The following EIF4G3 variants were observed in gnomAD, a reference collection of about 807,000 sequenced individuals.
EIF4G3 encodes the protein eIF-4-gamma 3.
In EIF4G3, 34 loss-of-function variants were observed where a neutral mutation model predicts 186.4. That is an observed-to-expected ratio of 0.18 (90% CI 0.14 to 0.24). The LOEUF is 0.24. EIF4G3 is among the 10% of genes least tolerant of loss of function. The pLI is 1.00. For missense variants in EIF4G3, 1,536 were observed against 1,948.5 expected, an observed-to-expected ratio of 0.79 and a Z score of 3.99; for synonymous variants, 673 against 679.5, an observed-to-expected ratio of 0.99 and a Z score of 0.15.
In EIF4G3 at chr1:20,838,023, T is replaced by C. The variant is rs1235832274; in HGVS notation, c.4061+2833A>G. Among the ~76,000 whole-genome samples the C allele has an allele frequency of 9.2e-5, 14 of 152,296 alleles. 1 individual carries two copies. The South Asian group carries it at 2.7e-3, about 29-fold the overall frequency. On this transcript the variant is annotated intron_variant, in intron 30 of 36. Coordinates refer to ENST00000602326, the MANE Select transcript of EIF4G3 (RefSeq NM_001391906.1). ...GCAGGTATGGTGAAACATGAAGTAATTGCTGAGACACAGAAGTGTTAACCT... is the reference window on the plus strand; with the variant it reads ...GCAGGTATGGTGAAACATGAAGTAACTGCTGAGACACAGAAGTGTTAACCT...
intron 2 of EIF4G3, among the ~76,000 whole-genome samples, chr1:21,158,985 G>A (rs2097711215): frequency 6.6e-6 from 1 of 150,792 alleles, no homozygotes; most frequent in Admixed American, 6.6e-5. Context: ...ACAAAAAAAA[G>A]GGCAAAAAAA....
chr1:21,052,842 C>T (rs1475917721), intron 3 of EIF4G3, among the ~76,000 whole-genome samples: 26 of 152,244 alleles, frequency 1.7e-4, no homozygotes, highest in Non-Finnish European at 2.2e-4. Context: ...CTCGGCCTCC[C>T]GAGGTGCCGG....
intron 23 of EIF4G3, among the ~76,000 whole-genome samples, chr1:20,861,539 A>G (rs1005024334): frequency 2.0e-5 from 3 of 152,230 alleles, no homozygotes; most frequent in East Asian, 3.8e-4. Context: ...CAACATCCTC[A>G]TTTTAGAGAT....
At chr1:20,853,031 C>T (rs2073841359) in intron 27 of EIF4G3, among the ~76,000 whole-genome samples, 1 of 151,816 alleles carries the variant, frequency 6.6e-6, no homozygotes, top group South Asian at 2.1e-4. Flanking sequence ...TCTGAAAGTG[C>T]TTATGTAAAA....
At chr1:20,876,254 A>G (rs1286057865) in intron 20 of EIF4G3, among the ~76,000 whole-genome samples, 1 of 148,666 alleles carries the variant, frequency 6.7e-6, no homozygotes, top group African/African-American at 2.5e-5. Context: ...AAAAAAGACA[A>G]GGAGGGAGGG....
Position 20,840,845 on chromosome 1 carries a change from AG to A in EIF4G3, c.4061+10del. The A allele has an allele frequency of 6.2e-7, 1 of 1,613,370 alleles. No individual in the cohort carries two copies. Among genetic ancestry groups the A allele is most frequent in the Non-Finnish European group, 8.5e-7 (1 of 1,179,512 alleles). On this transcript the variant is annotated intron_variant, in intron 30 of 36. Transcript: ENST00000602326. The stretch of plus-strand genomic sequence containing the variant: ...TAGTAACTGAATACCACTCTTGAAG[AG>A]GATACTGACCCTTTGAAAAAGTCCT...
rs1375130585 is a variant in EIF4G3 at position 21,037,689 on chromosome 1, C to G, written c.-67+13177G>C. ...AATGTCTTCTCAATCACCAGAGCTACTTTCCCTAAATTAAGACTAGCCCAA... is the reference window on the plus strand; with the variant it reads ...AATGTCTTCTCAATCACCAGAGCTAGTTTCCCTAAATTAAGACTAGCCCAA... On this transcript the variant is annotated intron_variant, in intron 4 of 36. Transcript: ENST00000602326. Among the ~76,000 whole-genome samples the G allele has an allele frequency of 2.0e-5, 3 of 152,212 alleles. No individual in the cohort carries two copies. In the South Asian group the frequency reaches 6.2e-4, roughly 31 times the overall value.
chr1:20,865,984 GAATAT>G (rs2077475094), intron 20 of EIF4G3, among the ~76,000 whole-genome samples: 1 of 152,130 alleles, frequency 6.6e-6, no homozygotes, highest in Admixed American at 6.5e-5. Context: ...AACATATTTA[GAATAT>G]AAAGACAGTA....
At chr1:21,125,360 T>C (rs375527587) in intron 2 of EIF4G3, among the ~76,000 whole-genome samples, 20 of 152,240 alleles carry the variant, frequency 1.3e-4, no homozygotes, top group East Asian at 9.6e-4. Context: ...ACTTTCTTAA[T>C]GACAACAGCC....
At chr1:20,912,664 G>A (rs994401408) in intron 14 of EIF4G3, among the ~76,000 whole-genome samples, 6 of 152,198 alleles carry the variant, frequency 3.9e-5, no homozygotes, top group African/African-American at 1.4e-4. Flanking sequence ...AACTTTCAGT[G>A]AGAGTTCCCA....
chr1:21,086,200 T>TA (rs2095972680), intron 3 of EIF4G3, among the ~76,000 whole-genome samples: 1 of 3,660 alleles, frequency 2.7e-4, no homozygotes, highest in Admixed American at 7.4e-3. Context: ...CATGATACTC[T>TA]TTTTTTTTTT....
intron 4 of EIF4G3, among the ~76,000 whole-genome samples, chr1:21,010,964 T>C (rs1454609770): frequency 6.6e-6 from 1 of 152,182 alleles, no homozygotes; most frequent in Non-Finnish European, 1.5e-5. Flanking sequence ...TGTAATGCTA[T>C]TAAAGCAGGT....
At chr1:20,933,430 G>A (rs1341913862) in intron 14 of EIF4G3, among the ~76,000 whole-genome samples, 3 of 152,176 alleles carry the variant, frequency 2.0e-5, no homozygotes, top group African/African-American at 7.2e-5. Flanking sequence ...GCTGAGCCGG[G>A]TGGATCACAA....
At chr1:21,130,191 C>G (rs977896945) in intron 2 of EIF4G3, among the ~76,000 whole-genome samples, 1 of 145,470 alleles carries the variant, frequency 6.9e-6, no homozygotes, top group Non-Finnish European at 1.5e-5. Context: ...GAAGACCAGA[C>G]TGGGCAACAC....
chr1:20,895,226 A>C, intron 17 of EIF4G3, 142 bp downstream of exon 17: 2 of 1,018,122 alleles, frequency 2.0e-6, no homozygotes, highest in Non-Finnish European at 2.7e-6. Flanking sequence ...GTGTTTAGGG[A>C]AACAAATTCT....
At chr1:20,854,228 A>G (rs1284658207) in intron 26 of EIF4G3, among the ~76,000 whole-genome samples, 1 of 152,168 alleles carries the variant, frequency 6.6e-6, no homozygotes. Flanking sequence ...GATTTTCGAA[A>G]AAGATTTTGA....
chr1:21,137,410 G>A (rs946704635), intron 2 of EIF4G3, among the ~76,000 whole-genome samples: 1 of 151,954 alleles, frequency 6.6e-6, no homozygotes, highest in South Asian at 2.1e-4. Flanking sequence ...CAAATTGTTG[G>A]ATTACAGGCA....
intron 14 of EIF4G3, among the ~76,000 whole-genome samples, chr1:20,933,172 G>A (rs1354711445): frequency 1.3e-5 from 2 of 152,130 alleles, no homozygotes; most frequent in African/African-American, 2.4e-5. Context: ...TTAAAAAGAC[G>A]TGAAAGAGGA....
At chr1:21,108,304 A>G (rs1375862621) in intron 2 of EIF4G3, among the ~76,000 whole-genome samples, 2 of 152,240 alleles carry the variant, frequency 1.3e-5, no homozygotes, top group African/African-American at 4.8e-5. Context: ...CAACCCTATT[A>G]TTCAGAAATC....
Sources: allele counts gnomAD v4.1 joint callset (sites outside exome capture counted in the v4.1 genomes callset), GRCh38; gene constraint gnomAD v4.1.1; transcripts MANE v1.5; gene names NCBI Gene and HGNC (gene_info 2026-07-23, HGNC 2026-07-21).